Variants in C5AR1 observed in about 807,000 individuals in gnomAD.
C5AR1 encodes the protein C5a anaphylatoxin chemotactic receptor 1.
A neutral mutation model predicts 2.4 loss-of-function variants in C5AR1; 4 were observed. That is an observed-to-expected ratio of 1.65 (90% CI 0.81 to 3.77). The LOEUF is 3.77. Among genes scored for constraint, C5AR1 ranks in the 30% most tolerant of loss-of-function variants. The pLI is 0.01. For missense variants in C5AR1, 418 were observed against 462.5 expected (o/e 0.90, Z 0.88); for synonymous variants, 209 against 210.4 (o/e 0.99, Z 0.06).
At chr19:47,310,078 A>G (rs556406845) in intron 1 of C5AR1, among the ~76,000 whole-genome samples, 180 bp downstream of exon 1, 1 of 151,570 alleles carries the variant, frequency 6.6e-6, no homozygotes, top group Non-Finnish European at 1.5e-5. Context: ...AGGCTCTCAC[A>G]CTCCAGGGCT....
chr19:47,315,651 G>A (rs971061664), intron 1 of C5AR1, among the ~76,000 whole-genome samples: 1 of 152,064 alleles, frequency 6.6e-6, no homozygotes, highest in Non-Finnish European at 1.5e-5. Flanking sequence ...AGGGTCTAGG[G>A]CCTCCTGCTG....
chr19:47,319,042 C>T (rs940514429), intron 1 of C5AR1, among the ~76,000 whole-genome samples: 2 of 151,664 alleles, frequency 1.3e-5, no homozygotes, highest in African/African-American at 2.4e-5. Context: ...CCCACTACCA[C>T]GCCTGGCTAA....
intron 1 of C5AR1, among the ~76,000 whole-genome samples, chr19:47,318,881 ATTTTTTT>A (rs34790165): frequency 1.0e-5 from 1 of 99,396 alleles, no homozygotes; most frequent in South Asian, 3.6e-4. Context: ...TTTTTGTTCT[ATTTTTTT>A]TTTTTTTTTT....
intron 1 of C5AR1, among the ~76,000 whole-genome samples, chr19:47,314,122 C>G (rs1290514039): frequency 3.3e-5 from 5 of 152,212 alleles, no homozygotes; most frequent in Non-Finnish European, 7.3e-5. Flanking sequence ...CCAGCTTCTG[C>G]TCTCTGCCCC....
At position 47,321,099 on chromosome 19, in the gene C5AR1, AAAAC is replaced by A. The variant is rs2059309610; in HGVS notation, c.*275_*278del. ...CCATCTTTCCATCCCAGGCTTTTGA[AAAAC>A]AAACAGAAACCCGTGTATCTGGGAT... is the stretch of plus-strand genomic sequence containing the variant. On this transcript the variant is annotated 3_prime_UTR_variant, in exon 2 of 2. Transcript: ENST00000355085. The A allele has an allele frequency of 3.9e-6, 1 of 257,944 alleles. No homozygotes were observed. Among genetic ancestry groups the A allele is most frequent in the Non-Finnish European group, 7.0e-6 (1 of 141,994 alleles). 16.0% of individuals were successfully genotyped at this position (257,944 alleles called of 1,614,324 possible).
At chr19:47,311,389 A>G (rs1210877538) in intron 1 of C5AR1, among the ~76,000 whole-genome samples, 1 of 151,946 alleles carries the variant, frequency 6.6e-6, no homozygotes, top group Non-Finnish European at 1.5e-5. Context: ...GGGCGCCTGT[A>G]GTCCCAGCAC....
In C5AR1 at chr19:47,320,098, C is replaced by T. The variant is rs779999302; in HGVS notation, c.321C>T (p.Ala107=). ...ATCACCACTGGCCCTTTGGCGGGGC[C>T]GCCTGCAGCATCCTGCCCTCCCTCA... The part of the protein sequence containing the change: ...VQHHHWPFGG[A]ACSILPSLIL... The change falls in exon 2 of 2, where the codon GCC becomes GCT. Residue 107 remains alanine (A), a synonymous_variant. Coordinates refer to ENST00000355085, the MANE Select transcript of C5AR1 (RefSeq NM_001736.4). This position sits in a 1 kb window ranked among gnomAD's most constrained non-coding sequence, Gnocchi z 4.9. 15 of 1,614,066 alleles carry T rather than the reference C, an allele frequency of 9.3e-6. No homozygotes were observed. The highest frequency in any genetic ancestry group is 2.2e-5 in the East Asian group (1 of 44,902).
intron 1 of C5AR1, among the ~76,000 whole-genome samples, chr19:47,314,179 A>G (rs539113241): frequency 9.9e-5 from 15 of 152,210 alleles, no homozygotes; most frequent in Admixed American, 6.5e-5. Flanking sequence ...GAGCATGTGA[A>G]TTTAGGAAGA....
intron 1 of C5AR1, among the ~76,000 whole-genome samples, chr19:47,316,841 T>C (rs998759802): frequency 2.0e-5 from 3 of 151,310 alleles, no homozygotes; most frequent in Non-Finnish European, 4.4e-5. Context: ...GCCCATAGCC[T>C]GGCTAACCTT....
At position 47,320,834 on chromosome 19, in the gene C5AR1, A is replaced by G. The variant is rs1599733139; in HGVS notation, c.*4A>G. 6.2e-7 allele frequency: 1 copy of G among 1,600,398 alleles called. No homozygotes were observed. ...CCAGAAGACCCAGGCAGTGTAGGCG[A>G]CAGCCTCATGGGCCACTGTGGCCCG... On this transcript the variant is annotated 3_prime_UTR_variant, in exon 2 of 2. Transcript: ENST00000355085. This position sits in a 1 kb window ranked among gnomAD's most constrained non-coding sequence, Gnocchi z 4.9.
At chr19:47,309,462 C>T (rs2059263184), upstream of C5AR1, among the ~76,000 whole-genome samples, 1 of 151,496 alleles carries the variant, frequency 6.6e-6, no homozygotes, top group South Asian at 2.1e-4. Flanking sequence ...GTAATCCCAG[C>T]TACTCGGGAG....
intron 1 of C5AR1, among the ~76,000 whole-genome samples, chr19:47,311,434 A>G (rs914927071): frequency 2.0e-5 from 3 of 151,698 alleles, no homozygotes; most frequent in Non-Finnish European, 2.9e-5. Flanking sequence ...GCTTGAACCC[A>G]TGAGGCAGAG....
At position 47,310,740 on chromosome 19, in the gene C5AR1, T is replaced by C. The variant is rs556229750; in HGVS notation, c.3+842T>C. On this transcript the variant is annotated intron_variant, in intron 1 of 1. Coordinates refer to ENST00000355085, the MANE Select transcript of C5AR1 (RefSeq NM_001736.4). ...TCAAATTCCTGGCCTCAAGCCATCC[T>C]CCCACCTTGGTCTCCCAAAGCTCTG... Among the ~76,000 whole-genome samples the C allele has an allele frequency of 4.4e-4, 67 of 152,342 alleles. 1 individual carries two copies. In the South Asian group the frequency reaches 0.014, roughly 31 times the overall value.
rs543582476 is a variant in C5AR1 at position 47,320,282 on chromosome 19, A to G, written c.505A>G (p.Ile169Val). The change falls in exon 2 of 2, where the codon ATA becomes GTA. Residue 169 changes from isoleucine to valine, a missense_variant. Ile to Val is a conservative substitution (Grantham distance 29). Coordinates refer to ENST00000355085, the MANE Select transcript of C5AR1 (RefSeq NM_001736.4). This position sits in a 1 kb window ranked among gnomAD's most constrained non-coding sequence, Gnocchi z 4.9. ...TTGGGGTTTAGCCCTGCTGCTGACC[A>G]TACCCTCCTTCCTGTACCGGGTGGT... ...VAWGLALLLTIPSFLYRVVRE... is the reference protein window; with the variant it reads ...VAWGLALLLTVPSFLYRVVRE... 3.7e-6 allele frequency: 6 copies of G among 1,613,120 alleles called. No individual in the cohort carries two copies. The African/African-American group carries it at 4.0e-5, about 11-fold the overall frequency.
upstream of C5AR1, among the ~76,000 whole-genome samples, chr19:47,308,235 AGAG>A (rs1599727563): frequency 1.3e-5 from 2 of 148,970 alleles, no homozygotes; most frequent in East Asian, 2.0e-4. Context: ...AAAAAAAAAA[AGAG>A]CATGAACCCT....
rs528690394 is a variant in C5AR1, at chr19:47,321,778, A to T, written c.*948A>T. On this transcript the variant is annotated 3_prime_UTR_variant, in exon 2 of 2. Coordinates refer to ENST00000355085, the MANE Select transcript of C5AR1 (RefSeq NM_001736.4). Reference sequence around the variant, plus strand: ...CTTCACCCAGCCTCCCCCAATGGCAACATCTTGCAAAACTACAATGTAGTC... The same window carrying T: ...CTTCACCCAGCCTCCCCCAATGGCATCATCTTGCAAAACTACAATGTAGTC... 4 of 152,266 alleles carry T rather than the reference A, an allele frequency of 2.6e-5. No homozygotes were observed. Among genetic ancestry groups the T allele is most frequent in the African/African-American group, 9.6e-5 (4 of 41,534 alleles). 9.4% of individuals were successfully genotyped at this position (152,266 alleles called of 1,614,324 possible).
At chr19:47,309,572 CA>C (rs35475766), upstream of C5AR1, among the ~76,000 whole-genome samples, 544 of 96,880 alleles carry the variant, frequency 5.6e-3, 6 homozygotes, top group Middle Eastern at 0.032. Context: ...AAGACTCTAT[CA>C]AAAAAAAAAA....
At chr19:47,311,689 C>T (rs549901964) in intron 1 of C5AR1, among the ~76,000 whole-genome samples, 4 of 152,182 alleles carry the variant, frequency 2.6e-5, no homozygotes, top group South Asian at 2.1e-4. Flanking sequence ...CTCAGCCTCC[C>T]GACTAGGTGG....
At position 47,320,173 on chromosome 19, in the gene C5AR1, C is replaced by T. The variant is rs148454784; in HGVS notation, c.396C>T (p.Ala132=). 2.0e-5 allele frequency: 32 copies of T among 1,614,184 alleles called. No homozygotes were observed. The highest frequency in any genetic ancestry group is 1.5e-4 in the African/African-American group (11 of 75,070). ...TCCTGCTCCTGGCCACCATCAGCGC[C>T]GACCGCTTTCTGCTGGTGTTTAAAC... ...ASILLLATIS[A]DRFLLVFKPI... The change falls in exon 2 of 2, where the codon GCC becomes GCT. Residue 132 remains alanine (A), a synonymous_variant. Transcript: ENST00000355085. The surrounding 1 kb of genome is among the most constrained non-coding windows in gnomAD (Gnocchi z 4.9).
Sources: allele counts gnomAD v4.1 joint callset (sites outside exome capture counted in the v4.1 genomes callset), GRCh38; gene constraint gnomAD v4.1.1; non-coding constraint Gnocchi (gnomAD v3.1); transcripts MANE v1.5; gene names NCBI Gene and HGNC (gene_info 2026-07-23, HGNC 2026-07-21).